Variants in SLC12A2 observed in about 807,000 individuals in gnomAD.
SLC12A2 encodes the protein Na-K-2Cl cotransporter 1.
In SLC12A2, 67 loss-of-function variants were observed where a neutral mutation model predicts 136.3. That is an observed-to-expected ratio of 0.49 (90% CI 0.40 to 0.60). The LOEUF is 0.60. Among genes scored for constraint, SLC12A2 ranks in the 20% least tolerant of loss-of-function variants. The pLI, the probability that SLC12A2 is intolerant of heterozygous loss-of-function variation, is 0.00. For missense variants in SLC12A2, 1,322 were observed against 1,534.7 expected (o/e 0.86, Z 2.32); for synonymous variants, 619 against 562.9 (o/e 1.10, Z -1.41).
intron 1 of SLC12A2, among the ~76,000 whole-genome samples, chr5:128,103,245 TATTTTCTCACTTCGTCTTCTCAG>T (rs1760809301): frequency 1.3e-5 from 2 of 152,344 alleles, no homozygotes; most frequent in African/African-American, 4.8e-5. Flanking sequence ...ACAATTATTG[TATTTTCTCACTTCGTCTTCTCAG>T]ACAGTATGGA....
intron 4 of SLC12A2, among the ~76,000 whole-genome samples, chr5:128,120,868 TAAA>T (rs1000635268): frequency 6.6e-6 from 1 of 150,940 alleles, no homozygotes; most frequent in African/African-American, 2.5e-5. Context: ...ATAATAATAA[TAAA>T]TAAAATAAAT....
intron 4 of SLC12A2, among the ~76,000 whole-genome samples, chr5:128,120,625 T>C (rs1023801686): frequency 3.3e-5 from 5 of 150,964 alleles, no homozygotes; most frequent in East Asian, 3.9e-4. Context: ...AACCAAACAC[T>C]GCATGTTCTC....
intron 7 of SLC12A2, among the ~76,000 whole-genome samples, chr5:128,136,963 C>T (rs900486858): frequency 2.0e-5 from 3 of 152,244 alleles, no homozygotes; most frequent in African/African-American, 7.2e-5. Context: ...AAACCAGGAT[C>T]TTAGTGTTTC....
At chr5:128,160,301 A>G (rs1762998017) in intron 16 of SLC12A2, among the ~76,000 whole-genome samples, 1 of 152,076 alleles carries the variant, frequency 6.6e-6, no homozygotes. Context: ...TGACAGGTTG[A>G]TGGGTGCAGC....
Position 128,084,517 on chromosome 5 carries a change from G to T in SLC12A2, c.563G>T (p.Gly188Val). The stretch of plus-strand genomic sequence containing the variant: ...AGCGAGGGCAGCAGCCTGCACTCCG[G>T]CGGCGGCGGCGGCAGTGGGCACCAC... ...VLSEGSSLHS[G>V]GGGGSGHHQH... is the part of the protein sequence containing the mutation. Residue 188 changes from glycine to valine, a missense_variant, in exon 1 of 27, where the codon GGC (glycine) becomes GTC (valine). Physicochemically the swap from Gly to Val is moderately radical, Grantham distance 109. Coordinates refer to ENST00000262461, the MANE Select transcript of SLC12A2 (RefSeq NM_001046.3). This position sits in a 1 kb window ranked among gnomAD's most constrained non-coding sequence, Gnocchi z 5.6. 6.2e-7 allele frequency: 1 copy of T among 1,607,702 alleles called. No individual in the cohort carries two copies. Among genetic ancestry groups the T allele is most frequent in the Non-Finnish European group, 8.5e-7 (1 of 1,176,756 alleles).
chr5:128,166,951 A>G (rs1008789925), intron 17 of SLC12A2, among the ~76,000 whole-genome samples: 3 of 152,062 alleles, frequency 2.0e-5, no homozygotes, highest in African/African-American at 7.2e-5. Context: ...TGCAGGTTCC[A>G]CATCTAAAGA....
At position 128,131,101 on chromosome 5, in the gene SLC12A2, G is replaced by A; in HGVS notation, c.1083G>A (p.Gly361=). ...GAYYLISRSL[G]PEFGGAIGLI... ...ATTATTTAATATCTAGAAGTCTAGG[G>A]CCAGAATTTGGTGGTGCAATTGGTC... Residue 361 remains glycine, a synonymous_variant, in exon 5 of 27, where the codon GGG becomes GGA. Transcript: ENST00000262461. The A allele has an allele frequency of 1.2e-6, 2 of 1,613,908 alleles. No homozygotes were observed. Among genetic ancestry groups the A allele is most frequent in the Non-Finnish European group, 1.7e-6 (2 of 1,179,822 alleles).
intron 4 of SLC12A2, among the ~76,000 whole-genome samples, chr5:128,126,922 A>T (rs1761814272): frequency 9.8e-6 from 1 of 102,126 alleles, no homozygotes; most frequent in Non-Finnish European, 1.9e-5. Flanking sequence ...TTCTTCCCTT[A>T]TTCTATTATC....
chr5:128,149,319 G>C (rs527429505), intron 12 of SLC12A2, among the ~76,000 whole-genome samples: 19 of 151,904 alleles, frequency 1.3e-4, no homozygotes, highest in African/African-American at 4.3e-4. Flanking sequence ...TACCACAAGT[G>C]TTGTGGGACT....
chr5:128,157,364 A>G (rs966881484), intron 15 of SLC12A2, among the ~76,000 whole-genome samples: 5 of 152,214 alleles, frequency 3.3e-5, no homozygotes, highest in African/African-American at 1.2e-4. Flanking sequence ...TGCAAAGGCA[A>G]TTGAATTCTG....
At chr5:128,141,402 G>A (rs956923935) in intron 9 of SLC12A2, among the ~76,000 whole-genome samples, 8 of 152,012 alleles carry the variant, frequency 5.3e-5, no homozygotes, top group African/African-American at 1.9e-4. Context: ...CAGAAGAGTG[G>A]TATTACCTGA....
chr5:128,129,043 C>G (rs1761919401), intron 4 of SLC12A2, among the ~76,000 whole-genome samples: 2 of 151,946 alleles, frequency 1.3e-5, no homozygotes, highest in African/African-American at 4.8e-5. Flanking sequence ...TTTATAAAAT[C>G]AAAACTTTAA....
intron 15 of SLC12A2, among the ~76,000 whole-genome samples, chr5:128,153,521 C>T (rs1253670624): frequency 6.6e-6 from 1 of 152,094 alleles, no homozygotes; most frequent in East Asian, 1.9e-4. Flanking sequence ...TGCCACTGCA[C>T]TCCAGCCTAG....
intron 5 of SLC12A2, among the ~76,000 whole-genome samples, chr5:128,133,217 A>G: frequency 6.6e-6 from 1 of 152,264 alleles, no homozygotes; most frequent in African/African-American, 2.4e-5. Flanking sequence ...ATGAAATTGA[A>G]TGGGACCCTT....
In SLC12A2 at chr5:128,088,007, C is replaced by CTGTGTGTGTGTGTGTGTGTGTGTG. The variant is rs58191870; in HGVS notation, c.756+3307_756+3330dup. ...TATTCCAAGAGTCGTGGAGGAGGCT[C>CTGTGTGTGTGTGTGTGTGTGTGTG]TGTGTGTGTGTGTGTGTGTGTGTGT... On this transcript the variant is annotated intron_variant, in intron 1 of 26. Coordinates refer to ENST00000262461, the MANE Select transcript of SLC12A2 (RefSeq NM_001046.3). Among the ~76,000 whole-genome samples, 208 of 140,388 alleles carry CTGTGTGTGTGTGTGTGTGTGTGTG rather than the reference C, an allele frequency of 1.5e-3. 2 individuals carry two copies. Among genetic ancestry groups the CTGTGTGTGTGTGTGTGTGTGTGTG allele is most frequent in the African/African-American group, 2.8e-3 (104 of 37,674 alleles). 92.1% of individuals were successfully genotyped at this position (140,388 alleles called of 152,430 possible). A position where few individuals can be genotyped will look rare whatever the true frequency, so the allele number is the denominator to read the frequency against.
At chr5:128,097,490 GTGT>G (rs1760587290) in intron 1 of SLC12A2, among the ~76,000 whole-genome samples, 1 of 151,890 alleles carries the variant, frequency 6.6e-6, no homozygotes, top group African/African-American at 2.4e-5. Flanking sequence ...GCCTGACATT[GTGT>G]TGTTTTCTAT....
intron 14 of SLC12A2, 37 bp from the exon 15 acceptor site, chr5:128,152,669 C>A (rs1297155394): frequency 7.8e-7 from 1 of 1,279,120 alleles, no homozygotes; most frequent in Non-Finnish European, 1.1e-6. Context: ...GTTGTTATTA[C>A]TGATGTTAAT....
In SLC12A2 at chr5:128,189,016, A is replaced by G. The variant is rs1763961031; in HGVS notation, c.*2385A>G. The G allele has an allele frequency of 6.6e-6, 1 of 151,598 alleles. No homozygotes were observed. The highest frequency in any genetic ancestry group is 2.4e-5 in the African/African-American group (1 of 41,064). 9.4% of individuals were successfully genotyped at this position (151,598 alleles called of 1,614,324 possible). On this transcript the variant is annotated 3_prime_UTR_variant, in exon 27 of 27. Coordinates refer to ENST00000262461, the MANE Select transcript of SLC12A2 (RefSeq NM_001046.3). ...AATGTCATGCGTCATACATGTGGGTATAAAGTACATAAAATATATCTAACT... is the reference window on the plus strand; with the variant it reads ...AATGTCATGCGTCATACATGTGGGTGTAAAGTACATAAAATATATCTAACT...
In SLC12A2 at chr5:128,083,799, C is replaced by T; in HGVS notation, c.-156C>T. The T allele has an allele frequency of 2.0e-6, 1 of 511,784 alleles. No homozygotes were observed. The highest frequency in any genetic ancestry group is 3.0e-6 in the Non-Finnish European group (1 of 337,908). 31.7% of individuals were successfully genotyped at this position (511,784 alleles called of 1,614,324 possible). A position where few individuals can be genotyped will look rare whatever the true frequency, so the allele number is the denominator to read the frequency against. On this transcript the variant is annotated 5_prime_UTR_variant, in exon 1 of 27. Coordinates refer to ENST00000262461, the MANE Select transcript of SLC12A2 (RefSeq NM_001046.3). ...GCGCTCGCTCGGCTGCCGGTGGCCT[C>T]TGTGGCCGTCCAGGCTAGCGGCGGC... is the stretch of plus-strand genomic sequence containing the variant.
Sources: allele counts gnomAD v4.1 joint callset (sites outside exome capture counted in the v4.1 genomes callset), GRCh38; gene constraint gnomAD v4.1.1; non-coding constraint Gnocchi (gnomAD v3.1); transcripts MANE v1.5; gene names NCBI Gene and HGNC (gene_info 2026-07-23, HGNC 2026-07-21).